The following ASGR1 variants were observed in gnomAD, a reference collection of about 807,000 sequenced individuals.
ASGR1 encodes asialoglycoprotein receptor 1.
A neutral mutation model predicts 33.1 loss-of-function variants in ASGR1; 35 were observed. The ratio of observed to expected loss-of-function variants is 1.06; its 90% CI spans 0.81 to 1.40. The LOEUF (loss-of-function observed/expected upper bound fraction) is 1.40, where lower values mean the gene tolerates loss of function less well. Ranked by LOEUF, ASGR1 falls within the 40% of genes most tolerant of loss-of-function variation. The pLI, the probability that ASGR1 is intolerant of heterozygous loss-of-function variation, is 0.00. For synonymous variants in ASGR1, 142 were observed against 152.5 expected, an observed-to-expected ratio of 0.93 and a Z score of 0.51; for missense variants, 396 against 373.7, an observed-to-expected ratio of 1.06 and a Z score of -0.49.
In ASGR1 at chr17:7,177,043, C is replaced by T. The variant is rs774970972; in HGVS notation, c.221G>A (p.Arg74Lys). 1.2e-6 allele frequency: 2 copies of T among 1,613,374 alleles called. No individual in the cohort carries two copies. The change falls in exon 4 of 9, where the codon AGA (arginine) becomes AAA (lysine). Residue 74 changes from arginine (R) to lysine (K), a missense_variant. Physicochemically the swap from Arg to Lys is conservative, Grantham distance 26. Coordinates refer to ENST00000269299, the MANE Select transcript of ASGR1 (RefSeq NM_001671.5). ...CGCTGTGAAGTTGCTGAACGTCTCT[C>T]TCAGGCCCCGCAGCTCCTCCTGCAG... ...SQLQEELRGLRETFSNFTAST... is the reference protein window; with the variant it reads ...SQLQEELRGLKETFSNFTAST...
At chr17:7,176,145 TCA>T (rs2069201436) in intron 5 of ASGR1, among the ~76,000 whole-genome samples, 2 of 135,412 alleles carry the variant, frequency 1.5e-5, no homozygotes. Flanking sequence ...CACACCCATC[TCA>T]TTCTCACACA....
chr17:7,178,741 T>A, intron 1 of ASGR1, 153 bp from the exon 2 acceptor site: 1 of 405,892 alleles, frequency 2.5e-6, no homozygotes, highest in Admixed American at 4.1e-5. Context: ...TTCTTTTCTT[T>A]TTTTTTTTTT....
In ASGR1 at chr17:7,178,548, G is replaced by C. The variant is rs138040706; in HGVS notation, c.16C>G (p.Gln6Glu). 5.0e-4 allele frequency: 808 copies of C among 1,613,908 alleles called. No individual in the cohort carries two copies. Among genetic ancestry groups the C allele is most frequent in the Non-Finnish European group, 6.3e-4 (746 of 1,179,996 alleles). Residue 6 changes from glutamine to glutamate, a missense_variant, in exon 2 of 9, where the codon CAA becomes GAA. Physicochemically the swap from Gln to Glu is conservative, Grantham distance 29. Transcript: ENST00000269299. ...TCATTGTCCAGATGCTGAAGGTCTT[G>C]ATACTCCTTGGTCATGATAGGGCTG... Reference protein sequence around the residue: MTKEYQDLQHLDNEES... With the variant: MTKEYEDLQHLDNEES...
chr17:7,176,623 C>G (rs374020121), intron 5 of ASGR1: 2 of 658,018 alleles, frequency 3.0e-6, no homozygotes, highest in South Asian at 1.8e-5. Flanking sequence ...CAGACATACA[C>G]ACTCCCTCTC....
intron 2 of ASGR1, chr17:7,177,705 G>C: frequency 4.5e-6 from 1 of 220,030 alleles, no homozygotes; most frequent in Non-Finnish European, 9.1e-6. Context: ...GGGAAAGAAG[G>C]AAGGTTTCTT....
intron 5 of ASGR1, among the ~76,000 whole-genome samples, chr17:7,176,190 C>T (rs2069202596): frequency 7.0e-6 from 1 of 142,680 alleles, no homozygotes; most frequent in Admixed American, 6.8e-5. Flanking sequence ...CTCACACTCA[C>T]ACACACCCCA....
chr17:7,173,752 G>T lies in ASGR1; in HGVS notation c.783C>A (p.Asp261Glu), dbSNP rs2069161401. 2.5e-6 allele frequency: 4 copies of T among 1,613,482 alleles called. No individual in the cohort carries two copies. The African/African-American group carries it at 5.3e-5, about 22-fold the overall frequency. The change falls in exon 9 of 9, where the codon GAC (aspartate) becomes GAA (glutamate). Residue 261 changes from aspartate (D) to glutamate (E), a missense_variant. Asp to Glu is a conservative substitution (Grantham distance 45). Coordinates refer to ENST00000269299, the MANE Select transcript of ASGR1 (RefSeq NM_001671.5). This position sits in a 1 kb window ranked among gnomAD's most constrained non-coding sequence, Gnocchi z 4.7. ...GGEDCAHFTD[D>E]GRWNDDVCQR... ...GGCAGACGTCGTCGTTCCAGCGGCC[G>T]TCGTCGGTGAAGTGGGCACAGTCCT...
At chr17:7,176,179 TCTCACA>T (rs1397977069) in intron 5 of ASGR1, among the ~76,000 whole-genome samples, 2 of 137,190 alleles carry the variant, frequency 1.5e-5, no homozygotes, top group African/African-American at 5.6e-5. Flanking sequence ...CCCATCTCAT[TCTCACA>T]CTCACACACA....
chr17:7,176,575 CACAG>C (rs2069214425), intron 5 of ASGR1: 9 of 558,608 alleles, frequency 1.6e-5, no homozygotes, highest in South Asian at 1.2e-4. Context: ...CATTCTCACA[CACAG>C]ACTCACACAC....
rs2069168340 is a variant in ASGR1, at chr17:7,174,288, G to C, written c.444C>G (p.Gly148=). 5 of 1,613,734 alleles carry C rather than the reference G, an allele frequency of 3.1e-6. No homozygotes were observed. Among genetic ancestry groups the C allele is most frequent in the Non-Finnish European group, 2.5e-6 (3 of 1,179,854 alleles). ...SCQMAALQGN[G]SERTCCPVNW... ...TGACCGGGCAGCAGGTCCTTTCTGA[G>C]CCTGAGCGGGAGAAACGGGGCGCAG... The change falls in exon 7 of 9, where the codon GGC becomes GGG. Residue 148 remains glycine, a splice_region_variant and synonymous_variant. Transcript: ENST00000269299.
rs201915673 is a variant in ASGR1, at chr17:7,178,535, T to C, written c.29A>G (p.His10Arg). 1.2e-6 allele frequency: 2 copies of C among 1,614,036 alleles called. No individual in the cohort carries two copies. The highest frequency in any genetic ancestry group is 2.7e-5 in the African/African-American group (2 of 74,998). Residue 10 changes from histidine to arginine, a missense_variant, in exon 2 of 9, where the codon CAT (histidine) becomes CGT (arginine). Physicochemically the swap from His to Arg is conservative, Grantham distance 29. Coordinates refer to ENST00000269299, the MANE Select transcript of ASGR1 (RefSeq NM_001671.5). ...GTGGTCACTCTCCTCATTGTCCAGATGCTGAAGGTCTTGATACTCCTTGGT... is the reference window on the plus strand; with the variant it reads ...GTGGTCACTCTCCTCATTGTCCAGACGCTGAAGGTCTTGATACTCCTTGGT... MTKEYQDLQ[H>R]LDNEESDHHQ...
chr17:7,173,786 C>G lies in ASGR1; in HGVS notation c.749G>C (p.Gly250Ala). The G allele has an allele frequency of 6.2e-7, 1 of 1,612,820 alleles. No individual in the cohort carries two copies. The highest frequency in any genetic ancestry group is 8.5e-7 in the Non-Finnish European group (1 of 1,179,924). Residue 250 changes from glycine (G) to alanine (A), a missense_variant, in exon 9 of 9, where the codon GGA (glycine) becomes GCA (alanine). Coordinates refer to ENST00000269299, the MANE Select transcript of ASGR1 (RefSeq NM_001671.5). The surrounding 1 kb of genome is among the most constrained non-coding windows in gnomAD (Gnocchi z 4.7). Reference protein sequence around the residue: ...QPDDWYGHGLGGGEDCAHFTD... With the variant: ...QPDDWYGHGLAGGEDCAHFTD... The stretch of plus-strand genomic sequence containing the variant: ...GAAGTGGGCACAGTCCTCGCCTCCT[C>G]CGAGCCCGTGGCCGTACCAGTCGTC...
rs757026715 is a variant in ASGR1 at position 7,177,298 on chromosome 17, C to A, written c.99G>T (p.Gln33His). ...GGAGGCGAGGTCCGGAGCAGAGACG[C>A]TGCAGGAGGGGCTGGGGAGGAGGTG... The part of the protein sequence containing the change: ...KGPPPPQPLL[Q>H]RLCSGPRLLL... The change falls in exon 3 of 9, where the codon CAG becomes CAT. Residue 33 changes from glutamine to histidine, a missense_variant. Physicochemically the swap from Gln to His is conservative, Grantham distance 24. Transcript: ENST00000269299. 1.2e-6 allele frequency: 2 copies of A among 1,613,548 alleles called. No homozygotes were observed. Among genetic ancestry groups the A allele is most frequent in the African/African-American group, 2.7e-5 (2 of 74,822 alleles).
Position 7,174,138 on chromosome 17 carries a change from C to A in ASGR1, c.594G>T (p.Gln198His). ...HLVVVTSWEE[Q>H]KFVQHHIGPV... Reference sequence around the variant, plus strand: ...CCTCCCAGACCCTCCGGGTCCTCACCTGCTCCTCCCAGGACGTGACCACCA... The same window carrying A: ...CCTCCCAGACCCTCCGGGTCCTCACATGCTCCTCCCAGGACGTGACCACCA... Residue 198 changes from glutamine to histidine, a missense_variant and splice_region_variant, in exon 7 of 9, where the codon CAG becomes CAT. Gln to His is a conservative substitution (Grantham distance 24, BLOSUM62 0). Coordinates refer to ENST00000269299, the MANE Select transcript of ASGR1 (RefSeq NM_001671.5). 1 of 1,614,082 alleles carries A rather than the reference C, an allele frequency of 6.2e-7. No individual in the cohort carries two copies. Among genetic ancestry groups the A allele is most frequent in the Non-Finnish European group, 8.5e-7 (1 of 1,179,958 alleles).
chr17:7,177,840 G>C (rs1290430207), intron 2 of ASGR1: 1 of 162,076 alleles, frequency 6.2e-6, no homozygotes, highest in African/African-American at 2.5e-5. Context: ...TGTGCCCTGA[G>C]AGCTGGAGGG....
rs201675928 is a variant in ASGR1 at position 7,176,870 on chromosome 17, T to C, written c.315A>G (p.Leu105=). 1.9e-6 allele frequency: 3 copies of C among 1,613,276 alleles called. No homozygotes were observed. The highest frequency in any genetic ancestry group is 2.2e-5 in the East Asian group (1 of 44,862). ...TCTGCTGTTTCTCCAGCTGGGACTCTAGCGACTTCATCTTTCTTCCCACAT... is the reference window on the plus strand; with the variant it reads ...TCTGCTGTTTCTCCAGCTGGGACTCCAGCGACTTCATCTTTCTTCCCACAT... The part of the protein sequence containing the change: ...GGNVGRKMKS[L]ESQLEKQQKD... The change falls in exon 5 of 9, where the codon CTA becomes CTG. Residue 105 remains leucine (L), a synonymous_variant. Transcript: ENST00000269299.
intron 5 of ASGR1, chr17:7,176,615 GACAT>G (rs1228262362): frequency 3.3e-6 from 2 of 612,210 alleles, no homozygotes; most frequent in African/African-American, 2.1e-5. Flanking sequence ...CACACTCACA[GACAT>G]ACACACTCCC....
At position 7,176,784 on chromosome 17, in the gene ASGR1, ACT is replaced by A. The variant is rs753683380; in HGVS notation, c.355+44_355+45del. On this transcript the variant is annotated intron_variant, in intron 5 of 8. Coordinates refer to ENST00000269299, the MANE Select transcript of ASGR1 (RefSeq NM_001671.5). ...TTCTCACACACATCCACACATTCTC[ACT>A]CTCTTTCACACACACACACACACAC... The A allele has an allele frequency of 2.0e-4, 304 of 1,555,848 alleles. 1 individual carries two copies. The highest frequency in any genetic ancestry group is 2.3e-4 in the Non-Finnish European group (271 of 1,158,022).
chr17:7,176,754 A>T, intron 5 of ASGR1, 76 bp downstream of exon 5: 1 of 1,566,768 alleles, frequency 6.4e-7, no homozygotes, highest in Non-Finnish European at 8.7e-7. Context: ...ACACACACTC[A>T]CACTTTCTCA....
Sources: gnomAD v4.1 joint callset for allele counts (sites outside exome capture counted in the v4.1 genomes callset) on GRCh38, gnomAD v4.1.1 for gene constraint, Gnocchi (gnomAD v3.1) non-coding constraint, MANE v1.5 for transcripts, NCBI Gene and HGNC (gene_info 2026-07-23, HGNC 2026-07-21) for gene names.